MED27: variants seen among roughly 807,000 people sequenced by gnomAD.
MED27 encodes mediator complex subunit 27.
In MED27, 30 loss-of-function variants were observed where a neutral mutation model predicts 38.2. The observed-to-expected ratio is 0.79, with a 90% confidence interval of 0.59 to 1.07. The LOEUF (loss-of-function observed/expected upper bound fraction) is 1.07, where lower values mean the gene tolerates loss of function less well. Among genes scored for constraint, MED27 ranks in the 50% least tolerant of loss-of-function variants. MED27 has a pLI of 0.00. For missense variants in MED27, 289 were observed against 397.5 expected (o/e 0.73, Z 2.32); for synonymous variants, 122 against 153.5 (o/e 0.79, Z 1.52).
At position 131,975,259 on chromosome 9, in the gene MED27, T is replaced by C. The variant is rs77032139; in HGVS notation, c.480-35785A>G. ...GCAGCTTAGCATTGTACCTCCACTA[T>C]GAGAAGTTCACCTACTTCTTAAAAA... On this transcript the variant is annotated intron_variant, in intron 3 of 7. Coordinates refer to ENST00000292035, the MANE Select transcript of MED27 (RefSeq NM_004269.4). Among the ~76,000 whole-genome samples, 717 of 152,374 alleles carry C rather than the reference T, an allele frequency of 4.7e-3. 9 individuals carry two copies. The highest frequency in any genetic ancestry group is 0.016 in the African/African-American group (667 of 41,590).
At chr9:132,077,393 G>A (rs1589308087) in intron 2 of MED27, 49 bp downstream of exon 2, 1 of 1,560,660 alleles carries the variant, frequency 6.4e-7, no homozygotes, top group East Asian at 2.3e-5. Context: ...TGGAATATAA[G>A]AAAACTTGGT....
At chr9:132,070,368 C>T (rs1249418012) in intron 2 of MED27, among the ~76,000 whole-genome samples, 4 of 152,096 alleles carry the variant, frequency 2.6e-5, no homozygotes, top group South Asian at 2.1e-4. Flanking sequence ...CCAGCCTGGG[C>T]GACATAGTGA....
chr9:131,869,517 C>T (rs1168749236), intron 6 of MED27: 3 of 677,184 alleles, frequency 4.4e-6, no homozygotes, highest in African/African-American at 3.9e-5. Flanking sequence ...TCCCCCTTGG[C>T]GGAGGCCAGG....
chr9:132,062,488 T>C (rs181530212), intron 2 of MED27, among the ~76,000 whole-genome samples: 5 of 152,218 alleles, frequency 3.3e-5, no homozygotes, highest in African/African-American at 1.2e-4. Flanking sequence ...GGCCAGCAGG[T>C]TGAGTATGGT....
chr9:132,052,057 C>T (rs552672581), intron 2 of MED27, among the ~76,000 whole-genome samples: 2 of 152,244 alleles, frequency 1.3e-5, no homozygotes, highest in Admixed American at 6.5e-5. Flanking sequence ...CATGAGATTT[C>T]GCGAGACAGG....
chr9:131,936,132 C>CAAAAAAAA, intron 4 of MED27, among the ~76,000 whole-genome samples: 1 of 84,286 alleles, frequency 1.2e-5, no homozygotes, highest in Non-Finnish European at 2.4e-5. Context: ...GACCCTGTCT[C>CAAAAAAAA]AAAAAAAAAA....
Position 131,861,420 on chromosome 9 carries a change from T to G in MED27, c.802-748A>C, listed in dbSNP as rs927988526. 4.6e-5 allele frequency among the ~76,000 whole-genome samples: 7 copies of G among 152,200 alleles called. No individual in the cohort carries two copies. The highest frequency in any genetic ancestry group is 8.8e-5 in the Non-Finnish European group (6 of 68,026). Reference sequence around the variant, plus strand: ...GTGAAAGGGCACGTGAATCTTGTCATTTAATGTCCTCCTGAATTAAGAGAA... The same window carrying G: ...GTGAAAGGGCACGTGAATCTTGTCAGTTAATGTCCTCCTGAATTAAGAGAA... On this transcript the variant is annotated intron_variant, in intron 7 of 7. Transcript: ENST00000292035. The surrounding 1 kb of genome is among the most constrained non-coding windows in gnomAD (Gnocchi z 4.4).
At chr9:131,884,701 G>A (rs1487066425) in intron 5 of MED27, among the ~76,000 whole-genome samples, 1 of 149,598 alleles carries the variant, frequency 6.7e-6, no homozygotes, top group Non-Finnish European at 1.5e-5. Flanking sequence ...TGCATCTCCC[G>A]GGTTCAAGTG....
At chr9:131,979,463 C>T (rs1199411048) in intron 3 of MED27, among the ~76,000 whole-genome samples, 5 of 134,652 alleles carry the variant, frequency 3.7e-5, no homozygotes, top group African/African-American at 1.1e-4. Context: ...TTATTTGCTA[C>T]TAAATATTAA....
At chr9:131,945,356 AATATGCATAT>A (rs2130976578) in intron 3 of MED27, among the ~76,000 whole-genome samples, 1 of 152,134 alleles carries the variant, frequency 6.6e-6, no homozygotes, top group South Asian at 2.1e-4. Context: ...GTTGTTTTGA[AATATGCATAT>A]ATTGTGGAAC....
chr9:132,060,503 G>C (rs1476926274), intron 2 of MED27, among the ~76,000 whole-genome samples: 1 of 152,188 alleles, frequency 6.6e-6, no homozygotes, highest in Admixed American at 6.5e-5. Context: ...ACCCGACTGT[G>C]ACCACTGCAC....
intron 1 of MED27, among the ~76,000 whole-genome samples, chr9:132,079,215 T>C (rs772492014): frequency 2.0e-5 from 3 of 151,984 alleles, no homozygotes; most frequent in Admixed American, 6.6e-5. Context: ...GGCCGGGGAA[T>C]TGGGGCTAAT....
Position 132,028,433 on chromosome 9 carries a change from C to T in MED27, c.349-13966G>A, listed in dbSNP as rs375685807. Among the ~76,000 whole-genome samples, 16 of 152,088 alleles carry T rather than the reference C, an allele frequency of 1.1e-4. No individual in the cohort carries two copies. The South Asian group carries it at 3.3e-3, about 32-fold the overall frequency. On this transcript the variant is annotated intron_variant, in intron 2 of 7. Coordinates refer to ENST00000292035, the MANE Select transcript of MED27 (RefSeq NM_004269.4). ...AATATAAGCTCCATTAGGACAGAGG[C>T]TTCTTAGTCATGACTGTAGCTGCAG...
chr9:131,908,143 C>G (rs557046304), intron 4 of MED27, among the ~76,000 whole-genome samples: 13 of 146,952 alleles, frequency 8.8e-5, no homozygotes, highest in East Asian at 6.2e-4. Context: ...GTCAGCCCCC[C>G]GCTCGGCCAG....
intron 5 of MED27, among the ~76,000 whole-genome samples, chr9:131,887,125 C>G (rs61173280): frequency 0.011 from 1,722 of 152,224 alleles, 31 homozygotes; most frequent in African/African-American, 0.039. Flanking sequence ...GAATCTGCTA[C>G]ATTAAAAAGT....
At chr9:131,876,829 A>G (rs1458613431) in intron 6 of MED27, among the ~76,000 whole-genome samples, 1 of 152,180 alleles carries the variant, frequency 6.6e-6, no homozygotes, top group East Asian at 1.9e-4. Context: ...TTGTCTTGCT[A>G]CATGAAGCGG....
chr9:131,867,925 G>C (rs1256332818), intron 6 of MED27, among the ~76,000 whole-genome samples: 1 of 152,210 alleles, frequency 6.6e-6, no homozygotes, highest in Non-Finnish European at 1.5e-5. Flanking sequence ...GAGTGGCAAG[G>C]CTGGGGCATA....
intron 6 of MED27, among the ~76,000 whole-genome samples, chr9:131,864,184 A>T (rs1248003908): frequency 6.6e-6 from 1 of 152,232 alleles, no homozygotes; most frequent in East Asian, 1.9e-4. Flanking sequence ...ACATGTCATC[A>T]TTAAAAACAA....
intron 4 of MED27, among the ~76,000 whole-genome samples, chr9:131,896,680 T>G (rs779868041): frequency 6.6e-6 from 1 of 152,140 alleles, no homozygotes; most frequent in Non-Finnish European, 1.5e-5. Context: ...CAAAGGCTTA[T>G]GGTTTTTGAA....
Sources: gnomAD v4.1 joint callset for allele counts (sites outside exome capture counted in the v4.1 genomes callset) on GRCh38, gnomAD v4.1.1 for gene constraint, Gnocchi (gnomAD v3.1) non-coding constraint, MANE v1.5 for transcripts, NCBI Gene and HGNC (gene_info 2026-07-23, HGNC 2026-07-21) for gene names.